The following GRID1 variants were observed in gnomAD, a reference collection of about 807,000 sequenced individuals.
GRID1 encodes the protein glutamate ionotropic receptor delta type subunit 1, also known as glutamate receptor ionotropic, delta-1.
A neutral mutation model predicts 98.0 loss-of-function variants in GRID1; 28 were observed. The ratio of observed to expected loss-of-function variants is 0.29; its 90% CI spans 0.21 to 0.39. GRID1 has a LOEUF of 0.39. Ranked by LOEUF, GRID1 falls within the 10% of genes least tolerant of loss-of-function variation. The probability of loss-of-function intolerance (pLI) is 1.00; values close to 1 mark genes in which losing one functional copy is unlikely to be tolerated. For synonymous variants in GRID1, 553 were observed against 538.5 expected (o/e 1.03, Z -0.37); for missense variants, 1,111 against 1,340.5 (o/e 0.83, Z 2.67).
Position 85,724,458 on chromosome 10 carries a change from G to A in GRID1, c.1752C>T (p.Asn584=). 1 of 1,614,144 alleles carries A rather than the reference G, an allele frequency of 6.2e-7. No individual in the cohort carries two copies. The highest frequency in any genetic ancestry group is 2.2e-5 in the East Asian group (1 of 44,874). Residue 584 remains asparagine (N), a synonymous_variant, in exon 11 of 16, where the codon AAC becomes AAT. Transcript: ENST00000327946. ...PVVGVLIFVL[N]RIQAVRAQSA... ...TCTGAGCCCTCACAGCCTGTATCCT[G>A]TTCAACACAAATATCAGCACACCAA...
chr10:86,107,432 C>G (rs1348117185), intron 4 of GRID1, among the ~76,000 whole-genome samples: 1 of 152,200 alleles, frequency 6.6e-6, no homozygotes, highest in Non-Finnish European at 1.5e-5. Context: ...CAGGGTGGCC[C>G]AAACCTTGGC....
intron 5 of GRID1, among the ~76,000 whole-genome samples, chr10:85,880,149 A>G (rs1005822417): frequency 2.0e-5 from 3 of 152,178 alleles, no homozygotes; most frequent in African/African-American, 7.2e-5. Context: ...CAACCAAAAA[A>G]AGTCCGGGAC....
intron 3 of GRID1, among the ~76,000 whole-genome samples, chr10:86,171,814 A>G (rs1044284097): frequency 2.0e-5 from 3 of 152,234 alleles, no homozygotes; most frequent in Non-Finnish European, 4.4e-5. Flanking sequence ...TCTTCATAGC[A>G]TGATTCATAT....
intron 2 of GRID1, among the ~76,000 whole-genome samples, chr10:86,354,491 G>A (rs181959108): frequency 6.6e-6 from 1 of 152,368 alleles, no homozygotes; most frequent in East Asian, 1.9e-4. Context: ...ATGGTGGACT[G>A]TTGCTCACCA....
At chr10:85,998,636 A>G (rs1187556292) in intron 4 of GRID1, among the ~76,000 whole-genome samples, 5 of 152,182 alleles carry the variant, frequency 3.3e-5, no homozygotes, top group Non-Finnish European at 4.4e-5. Flanking sequence ...ATGGAATAAA[A>G]TAATAAAGAT....
Position 85,642,327 on chromosome 10 carries a change from T to C in GRID1, c.2193+4875A>G, listed in dbSNP as rs141168153. ...TCTTTCCTTAGGCCTGATAAGTGCA[T>C]GTGGCTGAGAGAAACGGAAGCAGCC... On this transcript the variant is annotated intron_variant, in intron 13 of 15. Transcript: ENST00000327946. Among the ~76,000 whole-genome samples the C allele has an allele frequency of 2.2e-3, 332 of 152,328 alleles. 1 individual carries two copies. Among genetic ancestry groups the C allele is most frequent in the African/African-American group, 7.7e-3 (322 of 41,578 alleles).
intron 12 of GRID1, among the ~76,000 whole-genome samples, chr10:85,692,660 C>T (rs1841346368): frequency 2.6e-5 from 1 of 38,400 alleles, no homozygotes. Context: ...GAGTGAGACC[C>T]TGTTAAAAAA....
At chr10:86,164,877 G>A (rs927286031) in intron 3 of GRID1, among the ~76,000 whole-genome samples, 1 of 152,182 alleles carries the variant, frequency 6.6e-6, no homozygotes, top group Non-Finnish European at 1.5e-5. Flanking sequence ...CAGCAGCATG[G>A]AGGAGGCAGC....
chr10:85,881,719 T>A (rs79609501), intron 5 of GRID1, among the ~76,000 whole-genome samples: 1 of 151,778 alleles, frequency 6.6e-6, no homozygotes, highest in African/African-American at 2.4e-5. Flanking sequence ...CATGGGCAAG[T>A]GCTTCATGTC....
At chr10:86,304,843 G>A (rs2132084178) in intron 2 of GRID1, among the ~76,000 whole-genome samples, 1 of 152,172 alleles carries the variant, frequency 6.6e-6, no homozygotes, top group Middle Eastern at 3.4e-3. Flanking sequence ...TCAAGGTGTG[G>A]GTGTTCTCAG....
intron 5 of GRID1, among the ~76,000 whole-genome samples, chr10:85,908,004 G>C (rs1378680240): frequency 1.3e-5 from 2 of 152,134 alleles, no homozygotes; most frequent in Admixed American, 6.5e-5. Flanking sequence ...AAACTCACCA[G>C]TCTAGGAATG....
intron 4 of GRID1, among the ~76,000 whole-genome samples, chr10:86,058,514 AGAGAAAG>A (rs1160387409): frequency 1.3e-5 from 2 of 152,230 alleles, no homozygotes; most frequent in African/African-American, 4.8e-5. Flanking sequence ...CACTCTCTCC[AGAGAAAG>A]AAGTGACACA....
intron 2 of GRID1, among the ~76,000 whole-genome samples, chr10:86,328,152 T>G (rs1461092451): frequency 6.6e-6 from 1 of 152,170 alleles, no homozygotes; most frequent in Non-Finnish European, 1.5e-5. Context: ...TAAATAGGTG[T>G]AGTCAGCATT....
chr10:85,779,032 T>A (rs2132723810), intron 8 of GRID1, among the ~76,000 whole-genome samples: 1 of 152,352 alleles, frequency 6.6e-6, no homozygotes, highest in South Asian at 2.1e-4. Flanking sequence ...AAAACAGTTC[T>A]GGAAATGATT....
chr10:86,240,378 C>T (rs1846608534), intron 2 of GRID1, among the ~76,000 whole-genome samples: 1 of 152,162 alleles, frequency 6.6e-6, no homozygotes, highest in African/African-American at 2.4e-5. Context: ...TGGGATTGTG[C>T]CTGGCTCACA....
At chr10:86,304,642 G>A (rs1226710613) in intron 2 of GRID1, among the ~76,000 whole-genome samples, 1 of 152,194 alleles carries the variant, frequency 6.6e-6, no homozygotes, top group Admixed American at 6.5e-5. Context: ...TCATGGCCTG[G>A]CACTGTGCTC....
intron 2 of GRID1, among the ~76,000 whole-genome samples, chr10:86,320,081 A>G (rs1212100706): frequency 2.0e-5 from 3 of 152,260 alleles, no homozygotes; most frequent in African/African-American, 7.2e-5. Flanking sequence ...TGGGAGAAAT[A>G]GAGCCGGCAG....
chr10:86,342,156 G>A (rs1589455393), intron 2 of GRID1, among the ~76,000 whole-genome samples: 1 of 152,132 alleles, frequency 6.6e-6, no homozygotes, highest in African/African-American at 2.4e-5. Flanking sequence ...AGTCAGTGGG[G>A]GCTCCAAACC....
At chr10:85,957,738 T>C (rs1842213409) in intron 4 of GRID1, among the ~76,000 whole-genome samples, 1 of 152,178 alleles carries the variant, frequency 6.6e-6, no homozygotes, top group African/African-American at 2.4e-5. Flanking sequence ...ATGCTCTCCC[T>C]GCACCCATGC....
Sources: allele counts gnomAD v4.1 joint callset (sites outside exome capture counted in the v4.1 genomes callset), GRCh38; gene constraint gnomAD v4.1.1; transcripts MANE v1.5; gene names NCBI Gene and HGNC (gene_info 2026-07-23, HGNC 2026-07-21).